Variants in RPS10 observed in about 807,000 individuals in gnomAD.
RPS10 encodes ribosomal protein S10.
Under a neutral mutation model 22.6 loss-of-function variants are expected in RPS10, and 2 were observed. That is an observed-to-expected ratio of 0.09 (90% confidence interval 0.04 to 0.28). The LOEUF (loss-of-function observed/expected upper bound fraction) is 0.28. Among genes scored for constraint, RPS10 ranks in the 10% least tolerant of loss-of-function variants. RPS10 has a pLI of 1.00. For synonymous variants in RPS10, 70 were observed against 75.9 expected (o/e 0.92, Z 0.40); for missense variants, 137 against 222.2 (o/e 0.62, Z 2.44).
Position 34,418,421 on chromosome 6 carries a change from C to G in RPS10, c.404G>C (p.Gly135Ala). 1 of 1,614,174 alleles carries G rather than the reference C, an allele frequency of 6.2e-7. No homozygotes were observed. The highest frequency in any genetic ancestry group is 2.2e-5 in the East Asian group (1 of 44,880). The stretch of plus-strand genomic sequence containing the variant: ...CCCAGCCTCGGCTTTCTTGTCGGCA[C>G]CAGCTAGAAAGTGAAACATCGATTT... ...DTYRRSAVPPGADKKAEAGAG... is the reference protein window; with the variant it reads ...DTYRRSAVPPAADKKAEAGAG... The change falls in exon 5 of 6, where the codon GGT becomes GCT. Residue 135 changes from glycine (G) to alanine (A), a missense_variant. Transcript: ENST00000648437.
chr6:34,418,295 C>T (rs1765644910), intron 5 of RPS10, 74 bp downstream of exon 5: 7 of 1,611,376 alleles, frequency 4.3e-6, no homozygotes, highest in Admixed American at 1.7e-5. Flanking sequence ...ATGACATCCC[C>T]ACAACTTGCA....
chr6:34,422,249 AG>A (rs1765793295), intron 3 of RPS10, among the ~76,000 whole-genome samples: 1 of 152,224 alleles, frequency 6.6e-6, no homozygotes, highest in Non-Finnish European at 1.5e-5. Flanking sequence ...AGAATCGTTG[AG>A]TTCCTCTTGG....
intron 1 of RPS10, chr6:34,425,493 C>T (rs1765925386): frequency 2.3e-6 from 1 of 428,060 alleles, no homozygotes; most frequent in South Asian, 2.1e-5. Context: ...TTACAAAGGT[C>T]AATGGGGGGG....
chr6:34,422,906 C>T (rs1036786099), intron 3 of RPS10, among the ~76,000 whole-genome samples: 1 of 151,836 alleles, frequency 6.6e-6, no homozygotes, highest in Non-Finnish European at 1.5e-5. Context: ...CATGGTAAAA[C>T]CCTGTCTCTA....
chr6:34,419,149 G>A (rs1765676692), intron 4 of RPS10, among the ~76,000 whole-genome samples: 1 of 151,834 alleles, frequency 6.6e-6, no homozygotes, highest in African/African-American at 2.4e-5. Context: ...CTCCCGAGTA[G>A]CTGGGATTAC....
At chr6:34,422,167 CA>C in intron 3 of RPS10, among the ~76,000 whole-genome samples, 1 of 152,224 alleles carries the variant, frequency 6.6e-6, no homozygotes, top group South Asian at 2.1e-4. Flanking sequence ...TTAGTATATG[CA>C]AACAGAAAAG....
At chr6:34,423,420 C>T (rs1048173674) in intron 3 of RPS10, among the ~76,000 whole-genome samples, 4 of 152,208 alleles carry the variant, frequency 2.6e-5, no homozygotes, top group Non-Finnish European at 5.9e-5. Context: ...GAATGAGTCA[C>T]TGCACTCAGG....
chr6:34,421,091 G>C (rs113929587), intron 4 of RPS10, among the ~76,000 whole-genome samples: 1 of 143,606 alleles, frequency 7.0e-6, no homozygotes, highest in African/African-American at 2.7e-5. Flanking sequence ...ACATTTTACC[G>C]AAGAGGTTTT....
Position 34,425,065 on chromosome 6 carries a change from C to G in RPS10, c.150+7G>C, listed in dbSNP as rs987234212. ...GATCCATCCCATCTTCCTCCTCACCCTCCTACCTGCATGGCCTTCATGACA... is the reference window on the plus strand; with the variant it reads ...GATCCATCCCATCTTCCTCCTCACCGTCCTACCTGCATGGCCTTCATGACA... On this transcript the variant is annotated splice_region_variant and intron_variant, in intron 2 of 5. Transcript: ENST00000648437. 6.2e-7 allele frequency: 1 copy of G among 1,612,206 alleles called. No individual in the cohort carries two copies. The highest frequency in any genetic ancestry group is 8.5e-7 in the Non-Finnish European group (1 of 1,179,994).
In RPS10 at chr6:34,425,015, C is replaced by T. The variant is rs962948399; in HGVS notation, c.150+57G>A. The T allele has an allele frequency of 1.1e-5, 18 of 1,611,346 alleles. No homozygotes were observed. In the African/African-American group the frequency reaches 1.5e-4, roughly 13 times the overall value. The stretch of plus-strand genomic sequence containing the variant: ...ATCCCTCCATCCCATTCCATCCCAT[C>T]CCGGGATGGGATCCCGGGGAGGAAG... On this transcript the variant is annotated intron_variant, in intron 2 of 5. Coordinates refer to ENST00000648437, the MANE Select transcript of RPS10 (RefSeq NM_001014.5).
chr6:34,425,511 C>G, intron 1 of RPS10: 1 of 396,248 alleles, frequency 2.5e-6, no homozygotes, highest in Non-Finnish European at 4.8e-6. Flanking sequence ...GGGAGAGGAG[C>G]AAACCCTGTA....
intron 3 of RPS10, among the ~76,000 whole-genome samples, chr6:34,422,461 C>T (rs1396476873): frequency 1.3e-5 from 2 of 152,276 alleles, no homozygotes; most frequent in South Asian, 2.1e-4. Context: ...ATTACATGCA[C>T]GTGCCACCAC....
Position 34,421,942 on chromosome 6 carries a change from ACTC to A in RPS10, c.323-138_323-136del, listed in dbSNP as rs1765783276. The A allele has an allele frequency of 1.2e-5, 10 of 828,630 alleles. No homozygotes were observed. The South Asian group carries it at 1.4e-4, about 11-fold the overall frequency. 51.3% of individuals were successfully genotyped at this position (828,630 alleles called of 1,614,324 possible). A position where few individuals can be genotyped will look rare whatever the true frequency, so the allele number is the denominator to read the frequency against. ...TTAAGATGGGTTAATGGGGACAGGA[ACTC>A]CTTAAACCTACAATGTCAGCTAGAA... On this transcript the variant is annotated intron_variant, in intron 3 of 5. Transcript: ENST00000648437.
At chr6:34,419,442 T>C (rs1765687938) in intron 4 of RPS10, among the ~76,000 whole-genome samples, 1 of 151,680 alleles carries the variant, frequency 6.6e-6, no homozygotes, top group East Asian at 2.0e-4. Context: ...GAATTACGGG[T>C]GTGAGCCACT....
intron 4 of RPS10, among the ~76,000 whole-genome samples, chr6:34,418,672 C>T (rs1262860085): frequency 6.6e-6 from 1 of 152,116 alleles, no homozygotes; most frequent in East Asian, 1.9e-4. Flanking sequence ...CCAAAGGATT[C>T]CTACTTCCTA....
intron 3 of RPS10, among the ~76,000 whole-genome samples, chr6:34,423,969 T>G (rs1023439124): frequency 6.6e-6 from 1 of 151,880 alleles, no homozygotes; most frequent in Admixed American, 6.6e-5. Context: ...CAGGGGAACC[T>G]GGGCCCTCTG....
In RPS10 at chr6:34,424,140, TAA is replaced by T. The variant is rs71538239; in HGVS notation, c.322+527_322+528del. 266 of 49,134 alleles carry T rather than the reference TAA, an allele frequency of 5.4e-3. 6 individuals carry two copies. Among genetic ancestry groups the T allele is most frequent in the African/African-American group, 0.024 (224 of 9,450 alleles). The allele number at this position is 49,134 out of a possible 1,614,324, so 3.0% of individuals were successfully genotyped here. A position where few individuals can be genotyped will look rare whatever the true frequency, so the allele number is the denominator to read the frequency against. ...GCTGGGCAACAGAGCAAGACTCCGT[TAA>T]AAAAAAAAAAAAAAAAAAAAAAGCA... On this transcript the variant is annotated intron_variant, in intron 3 of 5. Coordinates refer to ENST00000648437, the MANE Select transcript of RPS10 (RefSeq NM_001014.5).
intron 4 of RPS10, among the ~76,000 whole-genome samples, chr6:34,420,231 C>A (rs1018934841): frequency 2.6e-5 from 4 of 152,092 alleles, no homozygotes; most frequent in Admixed American, 2.6e-4. Context: ...GTTTTCTTTT[C>A]TTTTGAGACA....
At chr6:34,417,718 G>C (rs1246852718) in intron 5 of RPS10, 171 bp from the exon 6 acceptor site, 3 of 737,726 alleles carry the variant, frequency 4.1e-6, no homozygotes, top group Non-Finnish European at 7.4e-6. Flanking sequence ...TGGATGTGGG[G>C]CCATATCTAA....
Sources: gnomAD v4.1 joint callset for allele counts (sites outside exome capture counted in the v4.1 genomes callset) on GRCh38, gnomAD v4.1.1 for gene constraint, MANE v1.5 for transcripts, NCBI Gene and HGNC (gene_info 2026-07-23, HGNC 2026-07-21) for gene names.